DLGAP2: variants seen among roughly 807,000 people sequenced by gnomAD.
DLGAP2 encodes disks large-associated protein 2.
A neutral mutation model predicts 100.3 loss-of-function variants in DLGAP2; 26 were observed. That is an observed-to-expected ratio of 0.26 (90% CI 0.19 to 0.36). The LOEUF is 0.36. Among genes scored for constraint, DLGAP2 ranks in the 10% least tolerant of loss-of-function variants. The pLI is 1.00. For missense variants in DLGAP2, 1,858 were observed against 1,453.2 expected, an observed-to-expected ratio of 1.28 and a Z score of -4.53; for synonymous variants, 886 against 630.1, an observed-to-expected ratio of 1.41 and a Z score of -6.08.
chr8:841,615 G>C (rs1395964218), intron 1 of DLGAP2, among the ~76,000 whole-genome samples: 1 of 152,002 alleles, frequency 6.6e-6, no homozygotes, highest in Non-Finnish European at 1.5e-5. Context: ...ATATTGCCCA[G>C]GGTGGAGTGC....
chr8:1,150,872 T>C (rs922527613), intron 2 of DLGAP2, among the ~76,000 whole-genome samples: 2 of 152,252 alleles, frequency 1.3e-5, no homozygotes, highest in Non-Finnish European at 2.9e-5. Flanking sequence ...CAAATAAGTT[T>C]TTCTGACTTT....
intron 6 of DLGAP2, among the ~76,000 whole-genome samples, chr8:1,602,204 A>G (rs913506942): frequency 1.3e-5 from 2 of 152,212 alleles, no homozygotes; most frequent in African/African-American, 4.8e-5. Flanking sequence ...ATGGCCCAAT[A>G]TGACAAGAGG....
At chr8:1,237,707 A>G (rs1313319162) in intron 2 of DLGAP2, among the ~76,000 whole-genome samples, 4 of 106,958 alleles carry the variant, frequency 3.7e-5, no homozygotes, top group African/African-American at 8.1e-5. Flanking sequence ...GTTCTCTCAC[A>G]TGGTGCCATG....
intron 3 of DLGAP2, among the ~76,000 whole-genome samples, chr8:1,377,296 G>C (rs1252551135): frequency 6.6e-6 from 1 of 152,254 alleles, no homozygotes; most frequent in African/African-American, 2.4e-5. Context: ...TGTAATCCCA[G>C]CACTTTGGGA....
chr8:1,156,824 G>A (rs938524665), intron 2 of DLGAP2, among the ~76,000 whole-genome samples: 1 of 152,182 alleles, frequency 6.6e-6, no homozygotes, highest in East Asian at 1.9e-4. Context: ...TTTTCATCCA[G>A]CTTCATTCAC....
intron 3 of DLGAP2, among the ~76,000 whole-genome samples, chr8:1,337,948 T>C (rs1801326778): frequency 6.6e-6 from 1 of 152,190 alleles, no homozygotes; most frequent in Non-Finnish European, 1.5e-5. Context: ...CTCAACATCA[T>C]GAGTCGTTAC....
intron 2 of DLGAP2, among the ~76,000 whole-genome samples, chr8:950,736 C>G (rs1164919229): frequency 6.6e-6 from 1 of 151,562 alleles, no homozygotes; most frequent in Non-Finnish European, 1.5e-5. Flanking sequence ...TTTCTCCTGC[C>G]TCAGCCTCCC....
chr8:1,657,092 TA>T (rs199519894), intron 8 of DLGAP2, among the ~76,000 whole-genome samples: 1 of 152,120 alleles, frequency 6.6e-6, no homozygotes, highest in Non-Finnish European at 1.5e-5. Flanking sequence ...TTGGAATAGG[TA>T]TTTTTTTTTT....
chr8:1,518,494 G>C (rs371072577), intron 4 of DLGAP2, among the ~76,000 whole-genome samples: 3 of 152,140 alleles, frequency 2.0e-5, no homozygotes, highest in African/African-American at 7.2e-5. Context: ...TTTATATAAC[G>C]TTTGAGTTTC....
intron 4 of DLGAP2, among the ~76,000 whole-genome samples, chr8:1,535,211 G>C (rs1365613552): frequency 2.6e-5 from 4 of 152,244 alleles, no homozygotes; most frequent in Middle Eastern, 3.2e-3. Flanking sequence ...CACTCAGAGG[G>C]CTGGGCTGTA....
chr8:840,421 C>T (rs1796959402), intron 1 of DLGAP2, among the ~76,000 whole-genome samples: 1 of 132,864 alleles, frequency 7.5e-6, no homozygotes, highest in Admixed American at 7.5e-5. Flanking sequence ...TGGTGCACGC[C>T]TGCACTTTTC....
At chr8:875,859 A>T (rs192211502) in intron 1 of DLGAP2, among the ~76,000 whole-genome samples, 1 of 152,292 alleles carries the variant, frequency 6.6e-6, no homozygotes, top group African/African-American at 2.4e-5. Flanking sequence ...AATCAGTTTC[A>T]GACTTATGCT....
At chr8:761,276 C>T (rs1454375372) in intron 1 of DLGAP2, among the ~76,000 whole-genome samples, 1 of 152,186 alleles carries the variant, frequency 6.6e-6, no homozygotes, top group Non-Finnish European at 1.5e-5. Context: ...CCTTCCATCT[C>T]TGTGGATTTC....
chr8:1,577,723 GC>G (rs1803048785), intron 6 of DLGAP2, among the ~76,000 whole-genome samples: 1 of 152,154 alleles, frequency 6.6e-6, no homozygotes, highest in East Asian at 1.9e-4. Flanking sequence ...GCAGCCCGGG[GC>G]CAGGGGAGTG....
intron 1 of DLGAP2, among the ~76,000 whole-genome samples, chr8:872,943 T>C (rs1249219438): frequency 6.6e-6 from 1 of 152,060 alleles, no homozygotes; most frequent in Non-Finnish European, 1.5e-5. Context: ...AAAAGGCTAT[T>C]TTTGCCTATA....
intron 1 of DLGAP2, among the ~76,000 whole-genome samples, chr8:843,447 C>A (rs1186976959): frequency 6.6e-6 from 1 of 152,194 alleles, no homozygotes; most frequent in Non-Finnish European, 1.5e-5. Flanking sequence ...TGGGCAAATC[C>A]CCTTCCGGCT....
intron 8 of DLGAP2, among the ~76,000 whole-genome samples, chr8:1,638,944 G>A (rs546083391): frequency 6.6e-6 from 1 of 152,226 alleles, no homozygotes; most frequent in Non-Finnish European, 1.5e-5. Context: ...CAGAGAGCTG[G>A]GTCATGGAGT....
intron 3 of DLGAP2, among the ~76,000 whole-genome samples, chr8:1,343,873 C>G (rs1195276686): frequency 6.6e-6 from 1 of 152,178 alleles, no homozygotes; most frequent in Non-Finnish European, 1.5e-5. Flanking sequence ...GTAGGGGGAG[C>G]TCAGCCCTCT....
chr8:1,366,268 C>G (rs890947034), intron 3 of DLGAP2, among the ~76,000 whole-genome samples: 1 of 152,202 alleles, frequency 6.6e-6, no homozygotes, highest in Non-Finnish European at 1.5e-5. Flanking sequence ...ATTTATCACC[C>G]ATTTGTACTA....
Sources: gnomAD v4.1 joint callset for allele counts (sites outside exome capture counted in the v4.1 genomes callset) on GRCh38, gnomAD v4.1.1 for gene constraint, MANE v1.5 for transcripts, NCBI Gene and HGNC (gene_info 2026-07-23, HGNC 2026-07-21) for gene names.